PRORP: variants seen among roughly 807,000 people sequenced by gnomAD.
PRORP encodes protein only RNase P catalytic subunit, also known as mitochondrial ribonuclease P catalytic subunit.
In PRORP, 51 loss-of-function variants were observed where a neutral mutation model predicts 59.4. The ratio of observed to expected loss-of-function variants is 0.86; its 90% CI spans 0.69 to 1.08. The LOEUF (loss-of-function observed/expected upper bound fraction) is 1.08, where lower values mean the gene tolerates loss of function less well. Ranked by LOEUF, PRORP falls within the 50% of genes least tolerant of loss-of-function variation. The pLI is 0.00. For synonymous variants in PRORP, 231 were observed against 245.6 expected, an observed-to-expected ratio of 0.94 and a Z score of 0.55; for missense variants, 646 against 690.3, an observed-to-expected ratio of 0.94 and a Z score of 0.72.
chr14:35,154,396 T>G (rs544892069), intron 4 of PRORP, among the ~76,000 whole-genome samples: 2 of 152,336 alleles, frequency 1.3e-5, no homozygotes, highest in South Asian at 4.1e-4. Context: ...TGTTATGTCT[T>G]GAGCAGAGCA....
chr14:35,150,918 T>C (rs1208113310), intron 4 of PRORP, among the ~76,000 whole-genome samples: 2 of 152,164 alleles, frequency 1.3e-5, no homozygotes, highest in Admixed American at 1.3e-4. Flanking sequence ...GCAAAGGAGA[T>C]ACTTGACTTT....
At position 35,275,696 on chromosome 14, in the gene PRORP, C is replaced by T. The variant is rs539767052; in HGVS notation, c.*2130C>T. 1 of 152,016 alleles carries T rather than the reference C, an allele frequency of 6.6e-6. No homozygotes were observed. Among genetic ancestry groups the T allele is most frequent in the South Asian group, 2.1e-4 (1 of 4,804 alleles). The allele number at this position is 152,016 out of a possible 1,614,324, so 9.4% of individuals were successfully genotyped here. A position where few individuals can be genotyped will look rare whatever the true frequency, so the allele number is the denominator to read the frequency against. ...AGAGGAGGAGGCCGAAGTGGTGGCTCATACCTGTTAATTCCAGCACTTTGG... is the reference window on the plus strand; with the variant it reads ...AGAGGAGGAGGCCGAAGTGGTGGCTTATACCTGTTAATTCCAGCACTTTGG... On this transcript the variant is annotated 3_prime_UTR_variant, in exon 8 of 8. Coordinates refer to ENST00000534898, the MANE Select transcript of PRORP (RefSeq NM_014672.4).
At chr14:35,142,923 C>T (rs889918857) in intron 4 of PRORP, among the ~76,000 whole-genome samples, 1 of 145,276 alleles carries the variant, frequency 6.9e-6, no homozygotes, top group Non-Finnish European at 1.5e-5. Context: ...TCAAGTGATC[C>T]TCTTGCCTTG....
chr14:35,265,219 T>C (rs2051011854), intron 5 of PRORP, among the ~76,000 whole-genome samples: 1 of 152,164 alleles, frequency 6.6e-6, no homozygotes, highest in South Asian at 2.1e-4. Context: ...ATAAATACCT[T>C]TTCCAACCAA....
intron 5 of PRORP, among the ~76,000 whole-genome samples, chr14:35,213,756 A>G (rs143960713): frequency 6.6e-6 from 1 of 152,352 alleles, no homozygotes; most frequent in African/African-American, 2.4e-5. Flanking sequence ...TCTCCATCTT[A>G]CGTGAGTGTG....
At chr14:35,140,442 ATGT>A (rs1408934506) in intron 4 of PRORP, among the ~76,000 whole-genome samples, 4 of 145,432 alleles carry the variant, frequency 2.8e-5, no homozygotes, top group African/African-American at 9.8e-5. Context: ...CTAATGACTA[ATGT>A]TGTTGAGCAT....
intron 5 of PRORP, among the ~76,000 whole-genome samples, chr14:35,251,711 C>T (rs1398519260): frequency 1.3e-5 from 2 of 152,088 alleles, no homozygotes; most frequent in Middle Eastern, 3.2e-3. Flanking sequence ...CCCACCACCG[C>T]GCCCAGCTAA....
At chr14:35,122,210 A>T (rs558326288), upstream of PRORP, 1 of 501,766 alleles carries the variant, frequency 2.0e-6, no homozygotes, top group Non-Finnish European at 3.6e-6. Context: ...TTCAGAGGCG[A>T]CCCAAGCTCA....
chr14:35,188,284 G>C (rs1457647936), intron 5 of PRORP, among the ~76,000 whole-genome samples: 1 of 147,362 alleles, frequency 6.8e-6, no homozygotes, highest in Non-Finnish European at 1.5e-5. Context: ...TCCACCTCCC[G>C]GGTTCAAGCG....
chr14:35,259,081 C>G (rs915627920), intron 5 of PRORP, among the ~76,000 whole-genome samples: 3 of 152,128 alleles, frequency 2.0e-5, no homozygotes, highest in African/African-American at 7.2e-5. Flanking sequence ...GTAGATTTGG[C>G]TATTTCTCCT....
intron 5 of PRORP, among the ~76,000 whole-genome samples, chr14:35,257,773 C>G (rs1273248350): frequency 1.3e-5 from 2 of 152,102 alleles, no homozygotes; most frequent in Non-Finnish European, 2.9e-5. Flanking sequence ...AGTTTCTGAA[C>G]AGCTACAATC....
At chr14:35,163,030 A>G (rs1170888288) in intron 4 of PRORP, among the ~76,000 whole-genome samples, 1 of 152,132 alleles carries the variant, frequency 6.6e-6, no homozygotes, top group East Asian at 1.9e-4. Context: ...TGATTATTGT[A>G]GTTTTATGAT....
At chr14:35,164,337 C>T (rs899332239) in intron 4 of PRORP, among the ~76,000 whole-genome samples, 2 of 152,206 alleles carry the variant, frequency 1.3e-5, no homozygotes, top group African/African-American at 4.8e-5. Flanking sequence ...CACATCCACT[C>T]ATATGTGCAT....
intron 5 of PRORP, among the ~76,000 whole-genome samples, chr14:35,186,062 A>C (rs985100084): frequency 6.6e-6 from 1 of 152,128 alleles, no homozygotes; most frequent in African/African-American, 2.4e-5. Flanking sequence ...GGAACTGGGG[A>C]CTATAAAGTC....
intron 4 of PRORP, among the ~76,000 whole-genome samples, chr14:35,152,656 C>T (rs896673226): frequency 4.0e-5 from 6 of 151,406 alleles, no homozygotes; most frequent in African/African-American, 2.4e-5. Flanking sequence ...CTGGCGGAGA[C>T]GCTCCTCACT....
At chr14:35,212,369 G>T (rs1011169387) in intron 5 of PRORP, among the ~76,000 whole-genome samples, 1 of 152,178 alleles carries the variant, frequency 6.6e-6, no homozygotes, top group African/African-American at 2.4e-5. Context: ...AATTGATTTT[G>T]CTTAGATCCA....
chr14:35,248,531 T>C (rs2050538746), intron 5 of PRORP, among the ~76,000 whole-genome samples: 1 of 152,254 alleles, frequency 6.6e-6, no homozygotes, highest in Admixed American at 6.5e-5. Flanking sequence ...AAGCTTCCTT[T>C]AAATAAATCA....
intron 5 of PRORP, among the ~76,000 whole-genome samples, chr14:35,213,687 A>G (rs1313973817): frequency 6.6e-6 from 1 of 152,192 alleles, no homozygotes; most frequent in Non-Finnish European, 1.5e-5. Context: ...AGGGAGAGAG[A>G]TGGAAGAACA....
At chr14:35,253,835 T>C (rs978890990) in intron 5 of PRORP, among the ~76,000 whole-genome samples, 7 of 152,170 alleles carry the variant, frequency 4.6e-5, no homozygotes, top group Non-Finnish European at 8.8e-5. Context: ...GTCTCTGTTA[T>C]AAGCTTTTCT....
Sources: allele counts gnomAD v4.1 joint callset (sites outside exome capture counted in the v4.1 genomes callset), GRCh38; gene constraint gnomAD v4.1.1; transcripts MANE v1.5; gene names NCBI Gene and HGNC (gene_info 2026-07-23, HGNC 2026-07-21).